The following FRMPD4 variants were observed in gnomAD, a reference collection of about 807,000 sequenced individuals.
FRMPD4 encodes the protein FERM and PDZ domain containing 4, also known as FERM and PDZ domain-containing protein 4.
FRMPD4 carries 22 observed loss-of-function variants against 94.1 expected under a neutral mutation model. That is an observed-to-expected ratio of 0.23 (90% confidence interval 0.17 to 0.33). The LOEUF (loss-of-function observed/expected upper bound fraction) is 0.33. Ranked by LOEUF, FRMPD4 falls within the 10% of genes least tolerant of loss-of-function variation. The pLI, the probability that FRMPD4 is intolerant of heterozygous loss-of-function variation, is 1.00. For synonymous variants in FRMPD4, 631 were observed against 548.6 expected, an observed-to-expected ratio of 1.15 and a Z score of -2.10; for missense variants, 1,111 against 1,339.9, an observed-to-expected ratio of 0.83 and a Z score of 2.67.
At chrX:11,977,021 T>A (rs2054370920) in intron 3 of FRMPD4, among the ~76,000 whole-genome samples, 1 of 112,038 alleles carries the variant, frequency 8.9e-6, no homozygotes, top group African/African-American at 3.2e-5. Flanking sequence ...TAAAGTATAA[T>A]TTCTGCTTCA....
intron 1 of FRMPD4, among the ~76,000 whole-genome samples, chrX:12,391,779 A>T (rs2056478249): frequency 9.0e-6 from 1 of 111,073 alleles, no homozygotes; most frequent in African/African-American, 3.3e-5. Context: ...GGCCTCACCC[A>T]CTGTCAAGAT....
At chrX:12,094,053 C>T (rs993479492) in intron 3 of FRMPD4, among the ~76,000 whole-genome samples, 11 of 112,305 alleles carry the variant, frequency 9.8e-5, no homozygotes, top group African/African-American at 3.6e-4. Context: ...CAAATCTTCT[C>T]ATTTGCAGTG....
At position 12,712,806 on chromosome X, in the gene FRMPD4, T is replaced by A. The variant is rs186487803; in HGVS notation, c.1609+2269T>A. Among the ~76,000 whole-genome samples the A allele has an allele frequency of 2.1e-4, 23 of 112,090 alleles. 1 individual carries two copies. In the East Asian group the frequency reaches 6.2e-3, roughly 30 times the overall value. ...AAATTCCAAAGAAGGCTGGGCATGG[T>A]GGCTCATGCCTGTAGTCTCAGCACT... On this transcript the variant is annotated intron_variant, in intron 14 of 16. Coordinates refer to ENST00000675598, the MANE Select transcript of FRMPD4 (RefSeq NM_001368397.1).
chrX:12,111,992 T>G (rs1339765872), intron 3 of FRMPD4, among the ~76,000 whole-genome samples: 1 of 111,519 alleles, frequency 9.0e-6, no homozygotes, highest in Non-Finnish European at 1.9e-5. Context: ...GTTCAACCAT[T>G]GTGGAAGACA....
At chrX:12,136,045 C>A (rs1248400263), upstream of FRMPD4, among the ~76,000 whole-genome samples, 1 of 110,959 alleles carries the variant, frequency 9.0e-6, no homozygotes, top group Non-Finnish European at 1.9e-5. Context: ...AACAGTCAGT[C>A]CAAAGGAGGT....
At chrX:12,072,209 G>A (rs1387606119) in intron 3 of FRMPD4, among the ~76,000 whole-genome samples, 1 of 111,441 alleles carries the variant, frequency 9.0e-6, no homozygotes, top group East Asian at 2.8e-4. Flanking sequence ...ACTTATAGCT[G>A]GGAACAGCAC....
At chrX:12,399,387 A>T (rs997367372) in intron 1 of FRMPD4, among the ~76,000 whole-genome samples, 2 of 111,562 alleles carry the variant, frequency 1.8e-5, no homozygotes, top group Admixed American at 9.5e-5. Flanking sequence ...AGAGATGTAG[A>T]TATAGTTGTA....
intron 3 of FRMPD4, among the ~76,000 whole-genome samples, chrX:11,974,045 C>G (rs185975928): frequency 2.1e-3 from 231 of 111,689 alleles, no homozygotes; most frequent in African/African-American, 7.5e-3. Flanking sequence ...TCGAGTGGAA[C>G]TCTGCTTAGC....
chrX:12,536,928 T>C (rs1051426290), intron 2 of FRMPD4, among the ~76,000 whole-genome samples: 3 of 111,967 alleles, frequency 2.7e-5, no homozygotes, highest in Non-Finnish European at 5.6e-5. Flanking sequence ...GTGGATTCTA[T>C]GCATTGATTT....
intron 3 of FRMPD4, among the ~76,000 whole-genome samples, chrX:12,068,222 C>T (rs897487852): frequency 4.5e-5 from 5 of 112,038 alleles, no homozygotes; most frequent in African/African-American, 3.2e-5. Context: ...CTAGACGAAA[C>T]ACAGTGCCAC....
At chrX:12,022,711 G>A (rs531430309) in intron 3 of FRMPD4, among the ~76,000 whole-genome samples, 1 of 111,518 alleles carries the variant, frequency 9.0e-6, no homozygotes, top group East Asian at 2.8e-4. Context: ...AGCAGAGTTG[G>A]GAACCAACAA....
chrX:12,580,676 A>C (rs1274791313), intron 2 of FRMPD4, among the ~76,000 whole-genome samples: 1 of 111,735 alleles, frequency 8.9e-6, no homozygotes, highest in Non-Finnish European at 1.9e-5. Flanking sequence ...GTTGTGGCAT[A>C]GCTTTAGGCT....
At chrX:12,403,347 G>A (rs1390511933) in intron 1 of FRMPD4, among the ~76,000 whole-genome samples, 8 of 107,420 alleles carry the variant, frequency 7.4e-5, no homozygotes, top group Non-Finnish European at 1.3e-4. Context: ...TTGAGCTTCT[G>A]TCCCCTCTTC....
intron 3 of FRMPD4, among the ~76,000 whole-genome samples, chrX:12,115,686 C>A (rs1211303843): frequency 1.8e-5 from 2 of 108,732 alleles, no homozygotes; most frequent in East Asian, 5.8e-4. Flanking sequence ...TCACACAAAT[C>A]TGGAGAATTT....
intron 1 of FRMPD4, among the ~76,000 whole-genome samples, chrX:12,317,558 A>G (rs191384572): frequency 1.2e-3 from 131 of 105,879 alleles, no homozygotes; most frequent in African/African-American, 4.2e-3. Context: ...CAACTAGAAT[A>G]TACAAGGAAG....
At chrX:12,231,013 T>TGTATATATATATATATATATATATAAA in intron 1 of FRMPD4, among the ~76,000 whole-genome samples, 1 of 54,556 alleles carries the variant, frequency 1.8e-5, no homozygotes, top group African/African-American at 7.0e-5. Context: ...ATATATAGTA[T>TGTATATATATATATATATATATATAAA]ATATAGTATA....
At position 12,683,567 on chromosome X, in the gene FRMPD4, A is replaced by T; in HGVS notation, c.553A>T (p.Ile185Phe). 8.7e-7 allele frequency: 1 copy of T among 1,154,165 alleles called. No individual in the cohort carries two copies. Among genetic ancestry groups the T allele is most frequent in the Non-Finnish European group, 1.2e-6 (1 of 844,369 alleles). Residue 185 changes from isoleucine to phenylalanine, a missense_variant, in exon 6 of 17, where the codon ATC becomes TTC. By Grantham distance (21) the Ile-to-Phe change is conservative. Transcript: ENST00000675598. ...CAAAGTACGCTTCTCTGAGGAGGTC[A>T]TCATCAACGGCCAAGTGTCGGTGAG... Reference protein sequence around the residue: ...PVKVRFSEEVIINGQVSETVK... With the variant: ...PVKVRFSEEVFINGQVSETVK...
intron 3 of FRMPD4, among the ~76,000 whole-genome samples, chrX:11,954,752 T>C (rs1198567804): frequency 9.0e-6 from 1 of 110,786 alleles, no homozygotes; most frequent in Non-Finnish European, 1.9e-5. Flanking sequence ...TCTATCATTA[T>C]ATCTGTCAAT....
intron 3 of FRMPD4, among the ~76,000 whole-genome samples, chrX:12,042,253 C>G (rs2147443976): frequency 9.2e-6 from 1 of 108,488 alleles, no homozygotes; most frequent in African/African-American, 3.3e-5. Flanking sequence ...AAACACTTTC[C>G]TATTCTTTTG....
Sources: allele counts gnomAD v4.1 joint callset (sites outside exome capture counted in the v4.1 genomes callset), GRCh38; gene constraint gnomAD v4.1.1; transcripts MANE v1.5; gene names NCBI Gene and HGNC (gene_info 2026-07-23, HGNC 2026-07-21).